Variants in ADGRE1 observed in about 807,000 individuals in gnomAD.
The protein encoded by ADGRE1 is EGF-like module receptor 1.
In ADGRE1, 82 loss-of-function variants were observed where a neutral mutation model predicts 102.7. That is an observed-to-expected ratio of 0.80 (90% CI 0.67 to 0.96). ADGRE1 has a LOEUF of 0.96. Among genes scored for constraint, ADGRE1 ranks in the 40% least tolerant of loss-of-function variants. The pLI is 0.00. For synonymous variants in ADGRE1, 398 were observed against 399.6 expected (o/e 1.00, Z 0.05); for missense variants, 1,032 against 1,085.3 (o/e 0.95, Z 0.69).
At position 6,922,962 on chromosome 19, in the gene ADGRE1, A is replaced by G. The variant is rs573752576; in HGVS notation, c.1791+1079A>G. 5.3e-5 allele frequency among the ~76,000 whole-genome samples: 8 copies of G among 152,206 alleles called. No individual in the cohort carries two copies. In the South Asian group the frequency reaches 1.7e-3, roughly 32 times the overall value. ...CGTGGTGGCGGGCACCTGCAGTCCA[A>G]GCTACTCGGGAGGCTGAGGCGGGAG... is the stretch of plus-strand genomic sequence containing the variant. On this transcript the variant is annotated intron_variant, in intron 14 of 20. Transcript: ENST00000312053.
intron 17 of ADGRE1, among the ~76,000 whole-genome samples, chr19:6,933,811 A>G (rs1452855172): frequency 2.0e-5 from 3 of 152,086 alleles, no homozygotes; most frequent in Non-Finnish European, 4.4e-5. Flanking sequence ...CGCTGCCCCC[A>G]CACACCAAGA....
chr19:6,896,599 G>T (rs1973560079), intron 3 of ADGRE1, 58 bp downstream of exon 3: 1 of 1,582,752 alleles, frequency 6.3e-7, no homozygotes, highest in Admixed American at 1.8e-5. Context: ...AGTCAAAGCT[G>T]GCTGGGTATT....
intron 5 of ADGRE1, among the ~76,000 whole-genome samples, chr19:6,899,937 A>AG (rs1485660927): frequency 2.0e-5 from 3 of 146,528 alleles, no homozygotes; most frequent in African/African-American, 7.8e-5. Flanking sequence ...CTAAAAATAC[A>AG]AAAAAAAATA....
At chr19:6,908,644 G>T in intron 9 of ADGRE1, 45 bp from the exon 10 acceptor site, 1 of 1,432,206 alleles carries the variant, frequency 7.0e-7, no homozygotes, top group Non-Finnish European at 9.4e-7. Context: ...GGAATACATC[G>T]ATTCATGCTC....
At chr19:6,909,709 GTTTT>G (rs549520717) in intron 10 of ADGRE1, among the ~76,000 whole-genome samples, 1 of 151,586 alleles carries the variant, frequency 6.6e-6, no homozygotes, top group Admixed American at 6.6e-5. Context: ...TTGGTTGGTG[GTTTT>G]TTTTGTTTGT....
intron 12 of ADGRE1, 31 bp from the exon 13 acceptor site, chr19:6,919,513 ATTCC>A (rs755780744): frequency 6.3e-7 from 1 of 1,588,694 alleles, no homozygotes; most frequent in South Asian, 1.1e-5. Flanking sequence ...TGAGCAAACG[ATTCC>A]TTCCTTTTTT....
rs1809327194 is a variant in ADGRE1, at chr19:6,901,742, G to T, written c.515-133G>T. The T allele has an allele frequency of 3.2e-6, 3 of 925,826 alleles. No homozygotes were observed. The Admixed American group carries it at 6.3e-5, about 20-fold the overall frequency. 57.4% of individuals were successfully genotyped at this position (925,826 alleles called of 1,614,324 possible). A position where few individuals can be genotyped will look rare whatever the true frequency, so the allele number is the denominator to read the frequency against. On this transcript the variant is annotated intron_variant, in intron 5 of 20. Coordinates refer to ENST00000312053, the MANE Select transcript of ADGRE1 (RefSeq NM_001974.5). Reference sequence around the variant, plus strand: ...GTCCCACTGTGTGCCTGGGAAGAAGGGGGGAACATGGATATTGGGGAGCAT... The same window carrying T: ...GTCCCACTGTGTGCCTGGGAAGAAGTGGGGAACATGGATATTGGGGAGCAT...
At chr19:6,912,636 A>G (rs1022860121) in intron 10 of ADGRE1, among the ~76,000 whole-genome samples, 2 of 152,232 alleles carry the variant, frequency 1.3e-5, no homozygotes, top group South Asian at 2.1e-4. Context: ...ACAGTGGCTC[A>G]GAGACCCTTT....
intron 13 of ADGRE1, among the ~76,000 whole-genome samples, chr19:6,920,991 A>G (rs1974643496): frequency 6.6e-6 from 1 of 152,146 alleles, no homozygotes; most frequent in Non-Finnish European, 1.5e-5. Flanking sequence ...TTCAATAAAA[A>G]CACGTTGAAT....
intron 17 of ADGRE1, among the ~76,000 whole-genome samples, chr19:6,934,357 A>G (rs8112929): frequency 0.19 from 28,181 of 150,802 alleles, 4,908 homozygotes; most frequent in African/African-American, 0.47. Flanking sequence ...TGCTGCATGG[A>G]TCATTCTTTG....
intron 15 of ADGRE1, 137 bp from the exon 16 acceptor site, chr19:6,926,229 C>CT (rs35115600): frequency 0.032 from 29,156 of 908,246 alleles, 942 homozygotes; most frequent in African/African-American, 0.13. Flanking sequence ...ACCACTGCAC[C>CT]TCTCTATAAA....
rs1392672289 is a variant in ADGRE1, at chr19:6,924,765, T to C, written c.1879T>C (p.Cys627Arg). The change falls in exon 15 of 21, where the codon TGT becomes CGT. Residue 627 changes from cysteine to arginine, a missense_variant. By Grantham distance (180) the Cys-to-Arg change is radical. Coordinates refer to ENST00000312053, the MANE Select transcript of ADGRE1 (RefSeq NM_001974.5). ...CTTGGCCATCGCCACCTTTCTGCTG[T>C]GTCGCTCCATCCGAAATCACAACAC... is the stretch of plus-strand genomic sequence containing the variant. The part of the protein sequence containing the change: ...LVLAIATFLL[C>R]RSIRNHNTYL... 6.2e-7 allele frequency: 1 copy of C among 1,614,202 alleles called. No individual in the cohort carries two copies. The highest frequency in any genetic ancestry group is 1.1e-5 in the South Asian group (1 of 91,084).
Position 6,931,105 on chromosome 19 carries a change from G to C in ADGRE1, c.2289+2894G>C, listed in dbSNP as rs115043287. On this transcript the variant is annotated intron_variant, in intron 17 of 20. Transcript: ENST00000312053. ...CCTTCACTATCCTTCCCAGCTTCTGGTAACTGCTGTTCTACTCTCTAGCTC... is the reference window on the plus strand; with the variant it reads ...CCTTCACTATCCTTCCCAGCTTCTGCTAACTGCTGTTCTACTCTCTAGCTC... 7.6e-3 allele frequency among the ~76,000 whole-genome samples: 1,145 copies of C among 151,424 alleles called. 19 individuals are homozygous for C. Among genetic ancestry groups the C allele is most frequent in the African/African-American group, 0.026 (1,085 of 41,198 alleles).
chr19:6,915,932 A>AC (rs1568351471), intron 11 of ADGRE1, among the ~76,000 whole-genome samples: 23 of 150,104 alleles, frequency 1.5e-4, no homozygotes, highest in African/African-American at 5.4e-4. Context: ...AAAAAAAAAA[A>AC]AAAAAAAAAA....
At chr19:6,887,754 C>T in intron 1 of ADGRE1, 115 bp downstream of exon 1, 1 of 1,074,862 alleles carries the variant, frequency 9.3e-7, no homozygotes. Context: ...AGACTGGATG[C>T]TGCAAACACC....
intron 2 of ADGRE1, among the ~76,000 whole-genome samples, chr19:6,891,612 C>G (rs1055463508): frequency 6.6e-6 from 1 of 152,008 alleles, no homozygotes; most frequent in Admixed American, 6.6e-5. Context: ...CGCCACCACG[C>G]CTGGCTAATT....
chr19:6,933,528 C>G (rs1269634139), intron 17 of ADGRE1, among the ~76,000 whole-genome samples: 1 of 151,870 alleles, frequency 6.6e-6, no homozygotes, highest in East Asian at 2.0e-4. Context: ...GCTGGGATTA[C>G]AGGCATGCAG....
intron 10 of ADGRE1, among the ~76,000 whole-genome samples, chr19:6,912,366 C>G (rs1974239259): frequency 6.6e-6 from 1 of 152,128 alleles, no homozygotes; most frequent in Non-Finnish European, 1.5e-5. Context: ...CTTCCACCTG[C>G]TAGATATGAG....
intron 17 of ADGRE1, among the ~76,000 whole-genome samples, chr19:6,930,302 G>GA (rs1225833141): frequency 6.6e-6 from 1 of 152,160 alleles, no homozygotes; most frequent in African/African-American, 2.4e-5. Flanking sequence ...GGAGGCCAGG[G>GA]AATGTTAAAC....
Sources: gnomAD v4.1 joint callset for allele counts (sites outside exome capture counted in the v4.1 genomes callset) on GRCh38, gnomAD v4.1.1 for gene constraint, MANE v1.5 for transcripts, NCBI Gene and HGNC (gene_info 2026-07-23, HGNC 2026-07-21) for gene names.